APRT: variants seen among roughly 807,000 people sequenced by gnomAD.
APRT encodes the protein adenine phosphoribosyltransferase, also known as AMP diphosphorylase.
APRT carries 25 observed loss-of-function variants against 21.0 expected under a neutral mutation model. That is an observed-to-expected ratio of 1.19 (90% CI 0.87 to 1.66). APRT has a LOEUF of 1.66. Ranked by LOEUF, APRT falls within the 40% of genes most tolerant of loss-of-function variation. The probability of loss-of-function intolerance (pLI) is 0.00; values close to 1 mark genes in which losing one functional copy is unlikely to be tolerated. For synonymous variants in APRT, 153 were observed against 109.0 expected (o/e 1.40, Z -2.52); for missense variants, 294 against 232.7 (o/e 1.26, Z -1.72).
Position 88,811,646 on chromosome 16 carries a change from G to C in APRT, c.91C>G (p.Pro31Ala), listed in dbSNP as rs1329977081. 8 of 1,595,442 alleles carry C rather than the reference G, an allele frequency of 5.0e-6. No individual in the cohort carries two copies. The African/African-American group carries it at 9.4e-5, about 19-fold the overall frequency. ...AAGGAGGCGGGGTCCTTCAGGACGG[G>C]CGAGATGTCCCTGGACCCAAGGACA... ...TPGVVFRDISPVLKDPASFRA... is the reference protein window; with the variant it reads ...TPGVVFRDISAVLKDPASFRA... The change falls in exon 2 of 5, where the codon CCC becomes GCC. Residue 31 changes from proline (P) to alanine (A), a missense_variant. Transcript: ENST00000378364.
intron 2 of APRT, chr16:88,811,303 C>T (rs1428484627): frequency 1.8e-6 from 1 of 564,008 alleles, no homozygotes. Flanking sequence ...GACCAACTGA[C>T]CCGGCAACTC....
Position 88,811,533 on chromosome 16 carries a change from G to C in APRT, c.187+17C>G, listed in dbSNP as rs1197302378. On this transcript the variant is annotated intron_variant, in intron 2 of 4. Coordinates refer to ENST00000378364, the MANE Select transcript of APRT (RefSeq NM_000485.3). The stretch of plus-strand genomic sequence containing the variant: ...GCAGAGGCGGAAGCGCCCTAGATGC[G>C]GCCACTGGGCACTCGCCTGCGATGT... 6.4e-7 allele frequency: 1 copy of C among 1,573,208 alleles called. No individual in the cohort carries two copies. Among genetic ancestry groups the C allele is most frequent in the East Asian group, 2.3e-5 (1 of 42,676 alleles).
rs781677764 is a variant in APRT, at chr16:88,810,422, C to A, written c.321+1G>T. ...TCCTCTGGCCACCCCAGCCCTCTTACCTTCCCGTACTCCAGGGAATAGGAG... is the reference window on the plus strand; with the variant it reads ...TCCTCTGGCCACCCCAGCCCTCTTAACTTCCCGTACTCCAGGGAATAGGAG... On this transcript the variant is annotated splice_donor_variant, in intron 3 of 4. Transcript: ENST00000378364. LOFTEE classifies it high-confidence loss of function. 1.2e-6 allele frequency: 2 copies of A among 1,611,830 alleles called. No homozygotes were observed. Among genetic ancestry groups the A allele is most frequent in the Non-Finnish European group, 1.7e-6 (2 of 1,180,000 alleles).
Position 88,809,625 on chromosome 16 carries a change from G to C in APRT, c.*73C>G, listed in dbSNP as rs957475910. ...TTCCCTGTGGGCAGCCGGTGCCCCT[G>C]GTCACTGCAGTTGCCCAAGGCTGAT... On this transcript the variant is annotated 3_prime_UTR_variant, in exon 5 of 5. Transcript: ENST00000378364. The C allele has an allele frequency of 6.2e-7, 1 of 1,602,474 alleles. No homozygotes were observed. Among genetic ancestry groups the C allele is most frequent in the East Asian group, 2.2e-5 (1 of 44,816 alleles).
At chr16:88,810,303 C>G in intron 3 of APRT, 120 bp downstream of exon 3, 2 of 1,529,940 alleles carry the variant, frequency 1.3e-6, no homozygotes, top group Non-Finnish European at 1.8e-6. Context: ...TCTGAGCTCC[C>G]AAGGCCACTG....
At chr16:88,810,227 A>G (rs1909065674) in intron 3 of APRT, 79 bp from the exon 4 acceptor site, 1 of 1,544,944 alleles carries the variant, frequency 6.5e-7, no homozygotes, top group Admixed American at 1.7e-5. Context: ...CTGCCACCCT[A>G]GACCCTGACT....
chr16:88,811,100 AG>A (rs1228762517), intron 2 of APRT: 2 of 316,106 alleles, frequency 6.3e-6, no homozygotes, highest in Non-Finnish European at 1.2e-5. Context: ...CAAGACGGCC[AG>A]GAACACTCTG....
intron 2 of APRT, 63 bp from the exon 3 acceptor site, chr16:88,810,619 C>T (rs776014537): frequency 6.6e-5 from 104 of 1,585,368 alleles, no homozygotes; most frequent in African/African-American, 3.2e-4. Flanking sequence ...CAGGGTTGGC[C>T]GGTGGCAAGG....
chr16:88,810,423 C>G lies in APRT; in HGVS notation c.321G>C (p.Lys107Asn). Residue 107 changes from lysine (K) to asparagine (N), a missense_variant and splice_region_variant, in exon 3 of 5, where the codon AAG becomes AAC. Coordinates refer to ENST00000378364, the MANE Select transcript of APRT (RefSeq NM_000485.3). ...CCTCTGGCCACCCCAGCCCTCTTAC[C>G]TTCCCGTACTCCAGGGAATAGGAGG... ...LWASYSLEYG[K>N]AELEIQKDAL... 6.2e-7 allele frequency: 1 copy of G among 1,611,858 alleles called. No homozygotes were observed. Among genetic ancestry groups the G allele is most frequent in the East Asian group, 2.2e-5 (1 of 44,888 alleles).
At position 88,810,456 on chromosome 16, in the gene APRT, AGT is replaced by A. The variant is rs1449730265; in HGVS notation, c.286_287del (p.Thr96SerfsTer13). The A allele has an allele frequency of 2.5e-6, 4 of 1,612,026 alleles. No individual in the cohort carries two copies. Among genetic ancestry groups the A allele is most frequent in the Admixed American group, 3.3e-5 (2 of 60,002 alleles). ...IRKRGKLPGP[T>X]LWASYSLEYG... Reference sequence around the variant, plus strand: ...ACTCCAGGGAATAGGAGGCCCACAGAGTGGGGCCTGGCAGCTTCCCCCGCTTT... The same window carrying A: ...ACTCCAGGGAATAGGAGGCCCACAGAGGGGCCTGGCAGCTTCCCCCGCTTT... On this transcript the variant is annotated frameshift_variant, in exon 3 of 5. Transcript: ENST00000378364. LOFTEE classifies it high-confidence loss of function.
At position 88,809,576 on chromosome 16, in the gene APRT, G is replaced by T; in HGVS notation, c.*122C>A. The T allele has an allele frequency of 6.7e-7, 1 of 1,492,958 alleles. No individual in the cohort carries two copies. Among genetic ancestry groups the T allele is most frequent in the Non-Finnish European group, 9.2e-7 (1 of 1,081,516 alleles). 92.5% of individuals were successfully genotyped at this position (1,492,958 alleles called of 1,614,324 possible). ...TGGCACTTCCAGCCCCAGGAGAGGCGCTGAACCCCAGCAAAGGAATGTGTT... is the reference window on the plus strand; with the variant it reads ...TGGCACTTCCAGCCCCAGGAGAGGCTCTGAACCCCAGCAAAGGAATGTGTT... On this transcript the variant is annotated 3_prime_UTR_variant, in exon 5 of 5. Coordinates refer to ENST00000378364, the MANE Select transcript of APRT (RefSeq NM_000485.3).
At chr16:88,810,649 G>A in intron 2 of APRT, 93 bp from the exon 3 acceptor site, 2 of 1,475,024 alleles carry the variant, frequency 1.4e-6, no homozygotes, top group Non-Finnish European at 9.2e-7. Flanking sequence ...TTGGCTCCCA[G>A]CTGAAAGGCC....
chr16:88,809,914 TG>T (rs377667293), intron 4 of APRT, 74 bp from the exon 5 acceptor site: 5 of 1,591,936 alleles, frequency 3.1e-6, no homozygotes, highest in African/African-American at 2.7e-5. Context: ...GCCCCTGGGT[TG>T]GGGAGGGGAA....
In APRT at chr16:88,809,758, C is replaced by T. The variant is rs761438940; in HGVS notation, c.483G>A (p.Ser161=). The T allele has an allele frequency of 3.1e-5, 50 of 1,613,264 alleles. No homozygotes were observed. The Admixed American group carries it at 3.7e-4, about 12-fold the overall frequency. The change falls in exon 5 of 5, where the codon TCG becomes TCA. Residue 161 remains serine, a synonymous_variant. Transcript: ENST00000378364. ...GTGCCAGCTTCTCCCTGCCCTTAAG[C>T]GAGGTCAGCTCCACCAGGCTCACGC... ...LECVSLVELT[S]LKGREKLAPV... is the part of the protein sequence containing the mutation.
intron 1 of APRT, 81 bp downstream of exon 1, chr16:88,811,739 C>A: frequency 2.0e-6 from 3 of 1,501,356 alleles, no homozygotes; most frequent in Non-Finnish European, 2.7e-6. Flanking sequence ...TCCCGCCCCG[C>A]CCGCCCGGAG....
chr16:88,809,631 T>C lies in APRT; in HGVS notation c.*67A>G. 6.2e-7 allele frequency: 1 copy of C among 1,607,132 alleles called. No individual in the cohort carries two copies. Among genetic ancestry groups the C allele is most frequent in the Non-Finnish European group, 8.5e-7 (1 of 1,175,404 alleles). On this transcript the variant is annotated 3_prime_UTR_variant, in exon 5 of 5. Transcript: ENST00000378364. ...GTGGGCAGCCGGTGCCCCTGGTCACTGCAGTTGCCCAAGGCTGATATTTCC... is the reference window on the plus strand; with the variant it reads ...GTGGGCAGCCGGTGCCCCTGGTCACCGCAGTTGCCCAAGGCTGATATTTCC...
At chr16:88,809,921 G>A (rs769067195) in intron 4 of APRT, 81 bp from the exon 5 acceptor site, 16 of 1,585,066 alleles carry the variant, frequency 1.0e-5, no homozygotes, top group Non-Finnish European at 1.7e-6. Context: ...GGTTGGGGAG[G>A]GGAAGGCATG....
chr16:88,810,952 C>T (rs1909110506), intron 2 of APRT, among the ~76,000 whole-genome samples: 1 of 152,068 alleles, frequency 6.6e-6, no homozygotes, highest in African/African-American at 2.4e-5. Context: ...GGAAACCCTG[C>T]CCCGGCCTGG....
rs1358809944 is a variant in APRT, at chr16:88,810,092, C to T, written c.378G>A (p.Val126=). ...ALEPGQRVVV[V]DDLLATGGTM... ...TACCACCAGTGGCCAGCAGATCATC[C>T]ACGACGACCACCCTCTGTCCTGGCT... The change falls in exon 4 of 5, where the codon GTG becomes GTA. Residue 126 remains valine (V), a synonymous_variant. Coordinates refer to ENST00000378364, the MANE Select transcript of APRT (RefSeq NM_000485.3). 4 of 1,613,192 alleles carry T rather than the reference C, an allele frequency of 2.5e-6. No individual in the cohort carries two copies. The highest frequency in any genetic ancestry group is 3.4e-6 in the Non-Finnish European group (4 of 1,180,034).
Sources: gnomAD v4.1 joint callset for allele counts (sites outside exome capture counted in the v4.1 genomes callset) on GRCh38, gnomAD v4.1.1 for gene constraint, MANE v1.5 for transcripts, NCBI Gene and HGNC (gene_info 2026-07-23, HGNC 2026-07-21) for gene names.